RRBP1: variants seen among roughly 807,000 people sequenced by gnomAD.
RRBP1 encodes the protein ribosome-binding protein 1.
Under a neutral mutation model 165.2 loss-of-function variants are expected in RRBP1, and 94 were observed. That is an observed-to-expected ratio of 0.57 (90% CI 0.48 to 0.68). RRBP1 has a LOEUF of 0.68. Ranked by LOEUF, RRBP1 falls within the 30% of genes least tolerant of loss-of-function variation. RRBP1 has a pLI of 0.00. For missense variants in RRBP1, 1,676 were observed against 1,763.0 expected (o/e 0.95, Z 0.88); for synonymous variants, 680 against 714.5 (o/e 0.95, Z 0.77).
At position 17,652,806 on chromosome 20, in the gene RRBP1, C is replaced by T. The variant is rs546821457; in HGVS notation, c.1912+5790G>A. ...AACCCACGGTCTAACGTGTCTCATC[C>T]GGGCTTGCTCACCAGGCAACATGGT... On this transcript the variant is annotated intron_variant, in intron 3 of 24. Transcript: ENST00000377813. Among the ~76,000 whole-genome samples the T allele has an allele frequency of 2.4e-3, 360 of 152,204 alleles. 2 individuals are homozygous for T. Among genetic ancestry groups the T allele is most frequent in the Non-Finnish European group, 4.4e-3 (301 of 68,046 alleles).
At chr20:17,653,363 T>C (rs996088820) in intron 3 of RRBP1, among the ~76,000 whole-genome samples, 2 of 152,190 alleles carry the variant, frequency 1.3e-5, no homozygotes, top group Non-Finnish European at 2.9e-5. Flanking sequence ...CACCTGGCAG[T>C]GGCTTAGGGG....
At chr20:17,630,663 C>T (rs181652436) in intron 8 of RRBP1, among the ~76,000 whole-genome samples, 1 of 152,320 alleles carries the variant, frequency 6.6e-6, no homozygotes, top group African/African-American at 2.4e-5. Flanking sequence ...CCTCATCCAC[C>T]TGTAAAGGAT....
At chr20:17,626,482 G>A (rs930458453) in intron 11 of RRBP1, among the ~76,000 whole-genome samples, 1 of 152,214 alleles carries the variant, frequency 6.6e-6, no homozygotes, top group Non-Finnish European at 1.5e-5. Flanking sequence ...GTGGCCTGGG[G>A]AGCTGCCTCT....
At chr20:17,625,702 G>T in intron 11 of RRBP1, 100 bp from the exon 12 acceptor site, 1 of 993,136 alleles carries the variant, frequency 1.0e-6, no homozygotes, top group Non-Finnish European at 1.6e-6. Context: ...CTTCGAGGCT[G>T]AACCATCTGG....
At chr20:17,665,699 A>G (rs534520989) in intron 2 of RRBP1, among the ~76,000 whole-genome samples, 4 of 152,208 alleles carry the variant, frequency 2.6e-5, no homozygotes, top group Non-Finnish European at 5.9e-5. Context: ...TTGTAGTGTG[A>G]CATGTCTACC....
chr20:17,680,786 C>G (rs981102568), intron 1 of RRBP1, among the ~76,000 whole-genome samples: 3 of 152,024 alleles, frequency 2.0e-5, no homozygotes, highest in Admixed American at 2.0e-4. Flanking sequence ...ACCTTCCTCC[C>G]GTGTCCAGCA....
In RRBP1 at chr20:17,614,844, G is replaced by A; in HGVS notation, c.4087C>T (p.Leu1363=). 2.5e-6 allele frequency: 4 copies of A among 1,613,824 alleles called. No individual in the cohort carries two copies. The highest frequency in any genetic ancestry group is 3.4e-6 in the Non-Finnish European group (4 of 1,180,014). ...TGCAGTCTCGTGGCGGCGCGCCCCA[G>A]GTCACTTGTTAACTTCTTCTCTTTT... ...LEKEKKLTSD[L]GRAATRLQEL... The change falls in exon 24 of 25, where the codon CTG becomes TTG. Residue 1363 remains leucine (L), a synonymous_variant. Coordinates refer to ENST00000377813, the MANE Select transcript of RRBP1 (RefSeq NM_001365613.2).
chr20:17,624,238 G>A (rs375287603), intron 13 of RRBP1, among the ~76,000 whole-genome samples: 6 of 152,326 alleles, frequency 3.9e-5, no homozygotes, highest in African/African-American at 1.2e-4. Context: ...GGGGTCTGGC[G>A]TGGACTCAGG....
At position 17,643,248 on chromosome 20, in the gene RRBP1, G is replaced by A; in HGVS notation, c.1913-121C>T. Reference sequence around the variant, plus strand: ...CCACGAAGAGCTCTCTGACTGCTTGGGGTCAGCAGGCTGAGCATGGCGAGT... The same window carrying A: ...CCACGAAGAGCTCTCTGACTGCTTGAGGTCAGCAGGCTGAGCATGGCGAGT... On this transcript the variant is annotated intron_variant, in intron 3 of 24. Transcript: ENST00000377813. This position sits in a 1 kb window ranked among gnomAD's most constrained non-coding sequence, Gnocchi z 4.3. 2.0e-6 allele frequency: 2 copies of A among 1,008,174 alleles called. No homozygotes were observed. The highest frequency in any genetic ancestry group is 2.6e-5 in the East Asian group (1 of 38,180). 62.5% of individuals were successfully genotyped at this position (1,008,174 alleles called of 1,614,324 possible).
At chr20:17,648,274 A>G (rs2036499965) in intron 3 of RRBP1, among the ~76,000 whole-genome samples, 1 of 152,222 alleles carries the variant, frequency 6.6e-6, no homozygotes, top group African/African-American at 2.4e-5. Flanking sequence ...CTGTGGGGGA[A>G]GTGAGCTTTA....
chr20:17,636,228 G>C (rs891552100), intron 6 of RRBP1, among the ~76,000 whole-genome samples: 2 of 152,266 alleles, frequency 1.3e-5, no homozygotes, highest in African/African-American at 2.4e-5. Flanking sequence ...AAAGAAGATA[G>C]AGCCTGCGTT....
chr20:17,634,622 C>A (rs941173188), intron 7 of RRBP1, among the ~76,000 whole-genome samples: 1 of 152,242 alleles, frequency 6.6e-6, no homozygotes, highest in Non-Finnish European at 1.5e-5. Context: ...ACTGCCTCAG[C>A]GTGACAAGTC....
rs1233864991 is a variant in RRBP1, at chr20:17,619,723, C to T, written c.3585G>A (p.Arg1195=). The change falls in exon 19 of 25, where the codon AGG becomes AGA. Residue 1195 remains arginine, a synonymous_variant. Coordinates refer to ENST00000377813, the MANE Select transcript of RRBP1 (RefSeq NM_001365613.2). ...CTGCCTCCAAATGCGACGTGTGCTC[C>T]CTCACCTGGACAGATGCACAGACAC... ...KGELESSDQV[R]EHTSHLEAEL... 1 of 1,610,990 alleles carries T rather than the reference C, an allele frequency of 6.2e-7. No homozygotes were observed.
chr20:17,645,861 G>A (rs1295148569), intron 3 of RRBP1, among the ~76,000 whole-genome samples: 1 of 152,210 alleles, frequency 6.6e-6, no homozygotes, highest in Non-Finnish European at 1.5e-5. Flanking sequence ...GTGAATGCTG[G>A]AAAAGCTCAG....
At chr20:17,648,053 C>G (rs1248882346) in intron 3 of RRBP1, among the ~76,000 whole-genome samples, 1 of 152,176 alleles carries the variant, frequency 6.6e-6, no homozygotes, top group Non-Finnish European at 1.5e-5. Flanking sequence ...CTCTGCAGAC[C>G]AAGATTCAGA....
intron 13 of RRBP1, 60 bp downstream of exon 13, chr20:17,624,516 G>A: frequency 8.9e-7 from 1 of 1,118,258 alleles, no homozygotes; most frequent in Non-Finnish European, 1.3e-6. Flanking sequence ...ACGTCTTAGT[G>A]CATTTGTGCA....
intron 3 of RRBP1, among the ~76,000 whole-genome samples, chr20:17,653,471 G>A (rs1171096719): frequency 1.3e-5 from 2 of 152,252 alleles, no homozygotes; most frequent in Admixed American, 1.3e-4. Flanking sequence ...CAGAAAATAC[G>A]TGTGCTAAAG....
At chr20:17,673,341 C>T (rs2037014840) in intron 2 of RRBP1, among the ~76,000 whole-genome samples, 1 of 152,180 alleles carries the variant, frequency 6.6e-6, no homozygotes, top group African/African-American at 2.4e-5. Flanking sequence ...CCTGACAGGG[C>T]AGTGACTCAG....
In RRBP1 at chr20:17,627,287, A is replaced by G. The variant is rs1455392894; in HGVS notation, c.2963+61T>C. ...CCCTCCTGAAAACCCTGGCCCCCCA[A>G]GGGTCTTTGGTCCCCCGGGCTGAGG... On this transcript the variant is annotated intron_variant, in intron 11 of 24. Transcript: ENST00000377813. The G allele has an allele frequency of 8.2e-6, 13 of 1,576,452 alleles. 1 individual carries two copies. In the South Asian group the frequency reaches 1.3e-4, roughly 15 times the overall value.
Sources: allele counts gnomAD v4.1 joint callset (sites outside exome capture counted in the v4.1 genomes callset), GRCh38; gene constraint gnomAD v4.1.1; non-coding constraint Gnocchi (gnomAD v3.1); transcripts MANE v1.5; gene names NCBI Gene and HGNC (gene_info 2026-07-23, HGNC 2026-07-21).